Variants in RFC1 observed in about 807,000 individuals in gnomAD.
The protein encoded by RFC1 is A1 140 kDa subunit.
In RFC1, 37 loss-of-function variants were observed where a neutral mutation model predicts 137.4. The observed-to-expected ratio is 0.27, with a 90% CI of 0.21 to 0.35. The LOEUF (loss-of-function observed/expected upper bound fraction) is 0.35. RFC1 is among the 10% of genes least tolerant of loss of function. RFC1 has a pLI of 1.00. For synonymous variants in RFC1, 429 were observed against 455.7 expected (o/e 0.94, Z 0.75); for missense variants, 1,205 against 1,358.5 (o/e 0.89, Z 1.78).
At chr4:39,306,786 T>C in intron 13 of RFC1, 85 bp from the exon 14 acceptor site, 2 of 761,748 alleles carry the variant, frequency 2.6e-6, no homozygotes, top group Non-Finnish European at 4.7e-6. Context: ...ATGCCTAAAC[T>C]TCACATAGAC....
intron 21 of RFC1, 129 bp downstream of exon 21, chr4:39,299,892 G>C: frequency 1.6e-6 from 1 of 641,124 alleles, no homozygotes. Flanking sequence ...TCCAGCCCGG[G>C]CAACAGAGCG....
Position 39,312,867 on chromosome 4 carries a change from C to G in RFC1, c.1268G>C (p.Arg423Pro). Reference protein sequence around the residue: ...VITGVLESIERDEAKSLIERY... With the variant: ...VITGVLESIEPDEAKSLIERY... The stretch of plus-strand genomic sequence containing the variant: ...TTCAATTAGAGACTTGGCCTCATCT[C>G]GTTCAATAGACTCCAGCACGCCTGT... Residue 423 changes from arginine (R) to proline (P), a missense_variant, in exon 11 of 25, where the codon CGA becomes CCA. Around this residue, in one of 3 missense-constraint regions of RFC1, gnomAD observed 962 missense variants for 1,035.3 expected, o/e 0.93. Transcript: ENST00000349703. 4 of 1,614,062 alleles carry G rather than the reference C, an allele frequency of 2.5e-6. No individual in the cohort carries two copies. Among genetic ancestry groups the G allele is most frequent in the Non-Finnish European group, 3.4e-6 (4 of 1,180,000 alleles).
chr4:39,302,187 G>A, intron 19 of RFC1, 91 bp downstream of exon 19: 1 of 767,772 alleles, frequency 1.3e-6, no homozygotes, highest in South Asian at 1.5e-5. Context: ...GGCATACCAA[G>A]GAACTATAAT....
chr4:39,296,162 C>T (rs1203518404), intron 21 of RFC1, among the ~76,000 whole-genome samples: 1 of 151,250 alleles, frequency 6.6e-6, no homozygotes, highest in Non-Finnish European at 1.5e-5. Context: ...TGATTACGGT[C>T]AATTAAACTG....
At chr4:39,352,805 T>C (rs755483489) in intron 1 of RFC1, among the ~76,000 whole-genome samples, 4 of 152,174 alleles carry the variant, frequency 2.6e-5, no homozygotes, top group Non-Finnish European at 4.4e-5. Context: ...TCCAAAGAAC[T>C]GGATTTAAGA....
chr4:39,296,701 T>C (rs1260843590), intron 21 of RFC1, among the ~76,000 whole-genome samples: 11 of 151,668 alleles, frequency 7.3e-5, no homozygotes, highest in South Asian at 4.2e-4. Flanking sequence ...TGAATAATGC[T>C]GCAATAAACA....
At chr4:39,320,913 A>C (rs1739488803) in intron 8 of RFC1, among the ~76,000 whole-genome samples, 1 of 152,226 alleles carries the variant, frequency 6.6e-6, no homozygotes, top group Non-Finnish European at 1.5e-5. Context: ...TACAGGCAAT[A>C]AGCAAGAGAG....
rs1298830396 is a variant in RFC1, at chr4:39,342,416, T to C, written c.260A>G (p.Glu87Gly). 1.9e-6 allele frequency: 3 copies of C among 1,613,666 alleles called. No individual in the cohort carries two copies. The South Asian group carries it at 3.3e-5, about 18-fold the overall frequency. Residue 87 changes from glutamate (E) to glycine (G), a missense_variant, in exon 4 of 25, where the codon GAA (glutamate) becomes GGA (glycine). Around this residue, in one of 3 missense-constraint regions of RFC1, gnomAD observed 962 missense variants for 1,035.3 expected, o/e 0.93. Coordinates refer to ENST00000349703, the MANE Select transcript of RFC1 (RefSeq NM_002913.5). ...AGGTTTAGAAGATACTGGCAGTTTT[T>C]CTGGTGGCTTTTTGGCATTTTTTAC... ...LQVKNAKKPP[E>G]KLPVSSKPGK...
chr4:39,348,917 C>G (rs377472304), intron 2 of RFC1, among the ~76,000 whole-genome samples: 4 of 152,164 alleles, frequency 2.6e-5, no homozygotes, highest in East Asian at 3.8e-4. Context: ...ATTGAATTTG[C>G]CTTGCTAGGT....
At chr4:39,350,404 A>G (rs961160102) in intron 2 of RFC1, among the ~76,000 whole-genome samples, 2 of 152,132 alleles carry the variant, frequency 1.3e-5, no homozygotes, top group African/African-American at 4.8e-5. Flanking sequence ...TCAGAAACCA[A>G]AAATGGGATA....
In RFC1 at chr4:39,349,592, T is replaced by C. The variant is rs76374883; in HGVS notation, c.132+1756A>G. On this transcript the variant is annotated intron_variant, in intron 2 of 24. Coordinates refer to ENST00000349703, the MANE Select transcript of RFC1 (RefSeq NM_002913.5). ...TAATCAGCCAGTACCATCTATTTTG[T>C]AGTATTTTGTCATGGTGGCCTGAAC... Among the ~76,000 whole-genome samples the C allele has an allele frequency of 1.8e-3, 268 of 152,294 alleles. 1 individual carries two copies. The highest frequency in any genetic ancestry group is 6.2e-3 in the African/African-American group (259 of 41,556).
chr4:39,350,658 G>A (rs765153422), intron 2 of RFC1, among the ~76,000 whole-genome samples: 1 of 151,978 alleles, frequency 6.6e-6, no homozygotes, highest in Non-Finnish European at 1.5e-5. Flanking sequence ...AAGAATGAAG[G>A]CAAAATAAAG....
intron 4 of RFC1, among the ~76,000 whole-genome samples, chr4:39,338,603 T>A (rs1740467361): frequency 6.6e-6 from 1 of 152,238 alleles, no homozygotes; most frequent in South Asian, 2.1e-4. Context: ...TTACCTTTTT[T>A]GTGTAGGAAG....
chr4:39,329,365 A>G (rs6820483), intron 4 of RFC1, among the ~76,000 whole-genome samples: 148,006 of 151,616 alleles, frequency 0.98, 72,341 homozygotes, highest in Middle Eastern at 1. Context: ...GGAGGCAGGC[A>G]GATCACTTCA....
chr4:39,334,619 G>A (rs557369255), intron 4 of RFC1, among the ~76,000 whole-genome samples: 1 of 152,198 alleles, frequency 6.6e-6, no homozygotes, highest in African/African-American at 2.4e-5. Context: ...CCGCCTCATA[G>A]GAAGCCAAAG....
intron 3 of RFC1, among the ~76,000 whole-genome samples, chr4:39,343,471 C>A (rs1379170521): frequency 1.3e-5 from 2 of 152,186 alleles, no homozygotes; most frequent in African/African-American, 2.4e-5. Flanking sequence ...TCTACCACAG[C>A]CTAATCTCCC....
chr4:39,295,331 A>G (rs1261407255), intron 22 of RFC1, among the ~76,000 whole-genome samples: 2 of 152,224 alleles, frequency 1.3e-5, no homozygotes, highest in African/African-American at 2.4e-5. Flanking sequence ...CAATAACAGT[A>G]ACAGTGCCAC....
intron 4 of RFC1, among the ~76,000 whole-genome samples, chr4:39,335,657 T>C (rs915205885): frequency 1.3e-5 from 2 of 152,116 alleles, no homozygotes; most frequent in Non-Finnish European, 2.9e-5. Flanking sequence ...GCCTGGGCAG[T>C]TGGCCACAGG....
chr4:39,288,552 C>T lies in RFC1; in HGVS notation c.*209G>A. ...GATTGACAGAGGACAGTGGAGGACC[C>T]AAGCAGTCCTATCAACCTCTATAAG... On this transcript the variant is annotated 3_prime_UTR_variant, in exon 25 of 25. Coordinates refer to ENST00000349703, the MANE Select transcript of RFC1 (RefSeq NM_002913.5). The T allele has an allele frequency of 4.3e-6, 2 of 465,604 alleles. No homozygotes were observed. The highest frequency in any genetic ancestry group is 7.7e-6 in the Non-Finnish European group (2 of 261,306). The allele number at this position is 465,604 out of a possible 1,614,324, so 28.8% of individuals were successfully genotyped here.
Sources: allele counts gnomAD v4.1 joint callset (sites outside exome capture counted in the v4.1 genomes callset), GRCh38; gene constraint gnomAD v4.1.1; regional missense constraint gnomAD v4.1.1; transcripts MANE v1.5; gene names NCBI Gene and HGNC (gene_info 2026-07-23, HGNC 2026-07-21).